FOXN3: variants seen among roughly 807,000 people sequenced by gnomAD.
FOXN3 encodes the protein forkhead box protein N3.
FOXN3 carries 7 observed loss-of-function variants against 38.4 expected under a neutral mutation model. The ratio of observed to expected loss-of-function variants is 0.18; its 90% confidence interval spans 0.10 to 0.34. FOXN3 has a LOEUF of 0.34. FOXN3 is among the 10% of genes least tolerant of loss of function. FOXN3 has a pLI of 1.00. For missense variants in FOXN3, 456 were observed against 613.4 expected, an observed-to-expected ratio of 0.74 and a Z score of 2.71; for synonymous variants, 230 against 242.2, an observed-to-expected ratio of 0.95 and a Z score of 0.47.
intron 2 of FOXN3, among the ~76,000 whole-genome samples, chr14:89,408,377 C>T (rs922797225): frequency 6.6e-6 from 1 of 151,914 alleles, no homozygotes; most frequent in African/African-American, 2.4e-5. Flanking sequence ...TCCATCTCAG[C>T]CTCCTGAGTA....
chr14:89,204,801 T>A (rs1018210065), intron 4 of FOXN3, among the ~76,000 whole-genome samples: 4 of 151,420 alleles, frequency 2.6e-5, no homozygotes, highest in African/African-American at 9.7e-5. Flanking sequence ...GCTCCATCCA[T>A]CCATCCATCC....
chr14:89,409,800 T>C (rs983804797), intron 2 of FOXN3, among the ~76,000 whole-genome samples: 1 of 152,140 alleles, frequency 6.6e-6, no homozygotes, highest in African/African-American at 2.4e-5. Flanking sequence ...GCTCAAAGAA[T>C]AATCTTAAAG....
intron 4 of FOXN3, among the ~76,000 whole-genome samples, chr14:89,195,646 G>C (rs1888079756): frequency 6.6e-6 from 1 of 152,184 alleles, no homozygotes; most frequent in South Asian, 2.1e-4. Flanking sequence ...ATCTTCCCTA[G>C]ATGGTCCAAC....
chr14:89,440,327 C>A (rs1334255494), intron 1 of FOXN3, among the ~76,000 whole-genome samples: 1 of 152,186 alleles, frequency 6.6e-6, no homozygotes, highest in African/African-American at 2.4e-5. Flanking sequence ...CAGAATATCT[C>A]AAACGCATGG....
At chr14:89,248,021 G>T (rs1018128204) in intron 4 of FOXN3, among the ~76,000 whole-genome samples, 1 of 152,088 alleles carries the variant, frequency 6.6e-6, no homozygotes, top group Non-Finnish European at 1.5e-5. Flanking sequence ...TTTTGGAATC[G>T]ATATCAATTC....
At chr14:89,166,577 C>A (rs1476278659) in intron 5 of FOXN3, among the ~76,000 whole-genome samples, 1 of 152,206 alleles carries the variant, frequency 6.6e-6, no homozygotes, top group Admixed American at 6.5e-5. Flanking sequence ...CTCCCTGTCA[C>A]TCCTGAAGAA....
At chr14:89,224,313 A>T (rs975932733) in intron 4 of FOXN3, among the ~76,000 whole-genome samples, 7 of 152,258 alleles carry the variant, frequency 4.6e-5, no homozygotes, top group African/African-American at 9.6e-5. Context: ...ATCAGACCAA[A>T]CATTAATAAA....
At chr14:89,183,300 T>C (rs1031533231) in intron 4 of FOXN3, among the ~76,000 whole-genome samples, 5 of 152,228 alleles carry the variant, frequency 3.3e-5, no homozygotes, top group Admixed American at 6.5e-5. Flanking sequence ...TAATGAACCA[T>C]GCTGATAAAT....
At chr14:89,476,550 G>A (rs957910790) in intron 1 of FOXN3, among the ~76,000 whole-genome samples, 2 of 152,198 alleles carry the variant, frequency 1.3e-5, no homozygotes, top group Non-Finnish European at 2.9e-5. Context: ...TATCCATTTT[G>A]GGAGTTCATA....
intron 1 of FOXN3, among the ~76,000 whole-genome samples, chr14:89,560,999 G>A (rs1245394100): frequency 1.3e-5 from 2 of 152,202 alleles, no homozygotes; most frequent in Non-Finnish European, 2.9e-5. Context: ...AAGGGAGTTT[G>A]GATGCCTTCC....
rs181649995 is a variant in FOXN3 at position 89,449,442 on chromosome 14, C to A, written c.-14-36952G>T. ...CAAACCCCGAGTCTCCAGTACTCAA[C>A]AGATAAAAATCTCCAAGCCCATGTT... On this transcript the variant is annotated intron_variant, in intron 1 of 6. Transcript: ENST00000345097. Among the ~76,000 whole-genome samples, 386 of 152,290 alleles carry A rather than the reference C, an allele frequency of 2.5e-3. 3 individuals carry two copies. The highest frequency in any genetic ancestry group is 9.0e-3 in the African/African-American group (373 of 41,554).
At chr14:89,264,529 A>C (rs1408364951) in intron 4 of FOXN3, among the ~76,000 whole-genome samples, 3 of 152,198 alleles carry the variant, frequency 2.0e-5, no homozygotes, top group Non-Finnish European at 4.4e-5. Flanking sequence ...GGACACAGCC[A>C]AACTATATCA....
At chr14:89,419,130 A>G (rs188102246), upstream of FOXN3, 66 of 456,098 alleles carry the variant, frequency 1.4e-4, no homozygotes, top group African/African-American at 1.1e-3. Context: ...ATTCTCAAAC[A>G]TATTTCTTAA....
chr14:89,472,503 G>A (rs1266698861), intron 1 of FOXN3, among the ~76,000 whole-genome samples: 3 of 152,036 alleles, frequency 2.0e-5, no homozygotes, highest in Admixed American at 1.3e-4. Flanking sequence ...GGCAGATCAC[G>A]AGGTCAGGAG....
rs1420214781 is a variant in FOXN3, at chr14:89,484,117, G to A, written c.-14-71627C>T. 6.6e-6 allele frequency among the ~76,000 whole-genome samples: 1 copy of A among 152,180 alleles called. No homozygotes were observed. Among genetic ancestry groups the A allele is most frequent in the Non-Finnish European group, 1.5e-5 (1 of 68,034 alleles). On this transcript the variant is annotated intron_variant, in intron 1 of 6. Transcript: ENST00000345097. This position sits in a 1 kb window ranked among gnomAD's most constrained non-coding sequence, Gnocchi z 4.0. ...TTATTTTAAGTTAAAGAGATGAATGGAAATATCCAACTAGAGTGTGACCAA... is the reference window on the plus strand; with the variant it reads ...TTATTTTAAGTTAAAGAGATGAATGAAAATATCCAACTAGAGTGTGACCAA...
intron 1 of FOXN3, among the ~76,000 whole-genome samples, chr14:89,497,402 AT>A (rs1226115489): frequency 1.6e-5 from 2 of 121,220 alleles, no homozygotes; most frequent in Non-Finnish European, 3.3e-5. Flanking sequence ...ATGTATAAAT[AT>A]CTTTTTTTTT....
chr14:89,240,936 T>C (rs1331051903), intron 4 of FOXN3, among the ~76,000 whole-genome samples: 1 of 152,136 alleles, frequency 6.6e-6, no homozygotes, highest in Non-Finnish European at 1.5e-5. Context: ...GCAGCATGTG[T>C]ATAGACAGTT....
rs953852048 is a variant in FOXN3 at position 89,464,333 on chromosome 14, T to C, written c.-14-51843A>G. ...CTCAAGTGCCTACTCTACTTGGAGA[T>C]AGCCTTCCCCTGATTCATGGCCAAG... is the stretch of plus-strand genomic sequence containing the variant. On this transcript the variant is annotated intron_variant, in intron 1 of 6. Coordinates refer to the FOXN3 transcript ENST00000345097. Among the ~76,000 whole-genome samples, 6 of 152,170 alleles carry C rather than the reference T, an allele frequency of 3.9e-5. No homozygotes were observed. In the East Asian group the frequency reaches 5.8e-4, roughly 15 times the overall value.
At chr14:89,348,667 C>CTT (rs1566962834) in intron 3 of FOXN3, among the ~76,000 whole-genome samples, 1 of 150,930 alleles carries the variant, frequency 6.6e-6, no homozygotes, top group African/African-American at 2.4e-5. Flanking sequence ...GTTTTTTTTC[C>CTT]CCCCTCAGTC....
Sources: gnomAD v4.1 joint callset for allele counts (sites outside exome capture counted in the v4.1 genomes callset) on GRCh38, gnomAD v4.1.1 for gene constraint, Gnocchi (gnomAD v3.1) non-coding constraint, MANE v1.5 for transcripts, NCBI Gene and HGNC (gene_info 2026-07-23, HGNC 2026-07-21) for gene names.